ARRDC3: variants seen among roughly 807,000 people sequenced by gnomAD.
The protein encoded by ARRDC3 is arrestin domain containing 3.
A neutral mutation model predicts 47.2 loss-of-function variants in ARRDC3; 10 were observed. The observed-to-expected ratio is 0.21, with a 90% CI of 0.13 to 0.36. ARRDC3 has a LOEUF of 0.36. ARRDC3 is among the 10% of genes least tolerant of loss of function. The pLI, the probability that ARRDC3 is intolerant of heterozygous loss-of-function variation, is 1.00. For synonymous variants in ARRDC3, 156 were observed against 178.3 expected, an observed-to-expected ratio of 0.87 and a Z score of 1.00; for missense variants, 381 against 503.6, an observed-to-expected ratio of 0.76 and a Z score of 2.33.
At chr5:91,382,536 A>T in intron 1 of ARRDC3, among the ~76,000 whole-genome samples, 1 of 152,384 alleles carries the variant, frequency 6.6e-6, no homozygotes, top group African/African-American at 2.4e-5. Context: ...CAGAATTTAT[A>T]AGTAAGGTGC....
At position 91,371,479 on chromosome 5, in the gene ARRDC3, G is replaced by A. The variant is rs187329401; in HGVS notation, c.1189-23C>T. On this transcript the variant is annotated intron_variant, in intron 7 of 7. Coordinates refer to ENST00000265138, the MANE Select transcript of ARRDC3 (RefSeq NM_020801.4). ...AATCTAGAAAGAAATGAGAAAAAAA[G>A]TTTACAGAGTTATTTCATGAGGTCT... 2.6e-3 allele frequency: 4,143 copies of A among 1,589,290 alleles called. 64 individuals carry two copies. The Admixed American group carries it at 0.026, about 10-fold the overall frequency.
At chr5:91,378,445 T>G (rs565554524) in intron 2 of ARRDC3, among the ~76,000 whole-genome samples, 1 of 152,240 alleles carries the variant, frequency 6.6e-6, no homozygotes, top group African/African-American at 2.4e-5. Context: ...AAGGAAACCC[T>G]ATTCCTATTT....
chr5:91,375,692 CT>C, intron 3 of ARRDC3, 79 bp from the exon 4 acceptor site: 1 of 947,214 alleles, frequency 1.1e-6, no homozygotes. Context: ...AAATATAACC[CT>C]AAATTTATGG....
chr5:91,377,351 C>T (rs1000238525), intron 2 of ARRDC3, among the ~76,000 whole-genome samples: 73 of 152,082 alleles, frequency 4.8e-4, no homozygotes, highest in African/African-American at 1.6e-3. Flanking sequence ...TGGCTGTTCT[C>T]TAACTTTACG....
Position 91,370,885 on chromosome 5 carries a change from A to G in ARRDC3, c.*515T>C, listed in dbSNP as rs1799154987. 6.5e-6 allele frequency: 1 copy of G among 152,946 alleles called. No homozygotes were observed. The highest frequency in any genetic ancestry group is 2.1e-4 in the South Asian group (1 of 4,858). 9.5% of individuals were successfully genotyped at this position (152,946 alleles called of 1,614,324 possible). A position where few individuals can be genotyped will look rare whatever the true frequency, so the allele number is the denominator to read the frequency against. On this transcript the variant is annotated 3_prime_UTR_variant, in exon 8 of 8. Coordinates refer to ENST00000265138, the MANE Select transcript of ARRDC3 (RefSeq NM_020801.4). ...TGCATACGCAGGTAAAGTCCAGGCT[A>G]TATTAAATAAAAAAAAATGTCAGTG...
rs1381729856 is a variant in ARRDC3 at position 91,368,682 on chromosome 5, G to C, written c.*2718C>G. 1 of 152,318 alleles carries C rather than the reference G, an allele frequency of 6.6e-6. No homozygotes were observed. Among genetic ancestry groups the C allele is most frequent in the Non-Finnish European group, 1.5e-5 (1 of 68,030 alleles). 9.4% of individuals were successfully genotyped at this position (152,318 alleles called of 1,614,324 possible). ...AATTTAATGTGTTTGCATGTATGGT[G>C]AGTTACTAATATGATCAAGATTCAA... On this transcript the variant is annotated 3_prime_UTR_variant, in exon 8 of 8. Coordinates refer to ENST00000265138, the MANE Select transcript of ARRDC3 (RefSeq NM_020801.4).
Position 91,378,691 on chromosome 5 carries a change from T to G in ARRDC3, c.362+3A>C, listed in dbSNP as rs755811986. 100 of 1,545,020 alleles carry G rather than the reference T, an allele frequency of 6.5e-5. No individual in the cohort carries two copies. The highest frequency in any genetic ancestry group is 8.9e-7 in the Non-Finnish European group (1 of 1,127,840). Reference sequence around the variant, plus strand: ...AAAAATGCCTATTATTTATAATACTTACGTCTGTGGAAGCTCGAAGCTGAA... The same window carrying G: ...AAAAATGCCTATTATTTATAATACTGACGTCTGTGGAAGCTCGAAGCTGAA... On this transcript the variant is annotated splice_donor_region_variant and intron_variant, in intron 2 of 7. Coordinates refer to ENST00000265138, the MANE Select transcript of ARRDC3 (RefSeq NM_020801.4).
chr5:91,369,033 A>G lies in ARRDC3; in HGVS notation c.*2367T>C, dbSNP rs544185668. ...CACATCTTATGTCAGGAATTGACCA[A>G]TATTTTTAAAAAAGTAATGCCTCTA... On this transcript the variant is annotated 3_prime_UTR_variant, in exon 8 of 8. Coordinates refer to ENST00000265138, the MANE Select transcript of ARRDC3 (RefSeq NM_020801.4). The G allele has an allele frequency of 1.3e-5, 2 of 152,754 alleles. No individual in the cohort carries two copies. The highest frequency in any genetic ancestry group is 4.1e-4 in the South Asian group (2 of 4,832). The allele number at this position is 152,754 out of a possible 1,614,324, so 9.5% of individuals were successfully genotyped here. A position where few individuals can be genotyped will look rare whatever the true frequency, so the allele number is the denominator to read the frequency against.
Position 91,383,066 on chromosome 5 carries a change from C to G in ARRDC3, c.27G>C (p.Leu9Phe), listed in dbSNP as rs1056765129. ...CATTAAGACAGTCAAAGCTTATTGT[C>G]AAACTCTTCACCTTTCCCAGCACCA... The part of the protein sequence containing the change: MVLGKVKS[L>F]TISFDCLNDS... Residue 9 changes from leucine to phenylalanine, a missense_variant, in exon 1 of 8, where the codon TTG (leucine) becomes TTC (phenylalanine). Leu to Phe is a conservative substitution (Grantham distance 22, BLOSUM62 0). Transcript: ENST00000265138. The G allele has an allele frequency of 1.5e-5, 24 of 1,611,528 alleles. No individual in the cohort carries two copies. Among genetic ancestry groups the G allele is most frequent in the Non-Finnish European group, 1.9e-5 (22 of 1,178,606 alleles).
rs765678324 is a variant in ARRDC3, at chr5:91,371,358, C to T, written c.*42G>A. 6 of 1,539,210 alleles carry T rather than the reference C, an allele frequency of 3.9e-6. No individual in the cohort carries two copies. Among genetic ancestry groups the T allele is most frequent in the African/African-American group, 2.7e-5 (2 of 73,162 alleles). On this transcript the variant is annotated 3_prime_UTR_variant, in exon 8 of 8. Coordinates refer to ENST00000265138, the MANE Select transcript of ARRDC3 (RefSeq NM_020801.4). ...TCTCTGTCCTCAGCCGGAAGAGATA[C>T]AGTTCGGAACCCACATCAACTTGAT...
At chr5:91,382,761 G>C in intron 1 of ARRDC3, 52 bp downstream of exon 1, 1 of 1,539,246 alleles carries the variant, frequency 6.5e-7, no homozygotes, top group Non-Finnish European at 8.8e-7. Context: ...AACTGAAAAG[G>C]TACGTTTCCA....
At chr5:91,381,678 GTC>G (rs1799460718) in intron 1 of ARRDC3, among the ~76,000 whole-genome samples, 1 of 152,126 alleles carries the variant, frequency 6.6e-6, no homozygotes, top group African/African-American at 2.4e-5. Flanking sequence ...GGTAAAATAT[GTC>G]TCTAATTTTT....
At chr5:91,378,569 G>A in intron 2 of ARRDC3, 125 bp downstream of exon 2, 1 of 613,624 alleles carries the variant, frequency 1.6e-6, no homozygotes, top group Non-Finnish European at 2.8e-6. Context: ...TTTTCCTCTA[G>A]CAAGTTTCAG....
At position 91,369,838 on chromosome 5, in the gene ARRDC3, T is replaced by C. The variant is rs536371471; in HGVS notation, c.*1562A>G. 5.1e-4 allele frequency: 78 copies of C among 152,298 alleles called. No homozygotes were observed. Among genetic ancestry groups the C allele is most frequent in the African/African-American group, 1.8e-3 (73 of 41,572 alleles). The allele number at this position is 152,298 out of a possible 1,614,324, so 9.4% of individuals were successfully genotyped here. ...ATGCTATCATGAATGCTGGTATATT[T>C]GTTATGAGCCAACAGAAAATTACCT... On this transcript the variant is annotated 3_prime_UTR_variant, in exon 8 of 8. Transcript: ENST00000265138.
chr5:91,379,206 A>G (rs1444840866), intron 1 of ARRDC3, among the ~76,000 whole-genome samples: 1 of 149,890 alleles, frequency 6.7e-6, no homozygotes, highest in East Asian at 2.0e-4. Flanking sequence ...CTCTTAAAAT[A>G]TGTCAGTTTA....
chr5:91,377,363 G>A (rs1799328384), intron 2 of ARRDC3, among the ~76,000 whole-genome samples: 1 of 151,918 alleles, frequency 6.6e-6, no homozygotes, highest in Non-Finnish European at 1.5e-5. Context: ...AACTTTACGG[G>A]CTTCAAAAGA....
At chr5:91,373,357 T>G (rs1397733849) in intron 7 of ARRDC3, among the ~76,000 whole-genome samples, 1 of 152,178 alleles carries the variant, frequency 6.6e-6, no homozygotes, top group Non-Finnish European at 1.5e-5. Flanking sequence ...GTTTGCAAAA[T>G]GCTAGTTCTT....
chr5:91,369,298 A>C lies in ARRDC3; in HGVS notation c.*2102T>G, dbSNP rs1799113521. On this transcript the variant is annotated 3_prime_UTR_variant, in exon 8 of 8. Transcript: ENST00000265138. ...TTTTCTGACAATCCCCCTCAAACAA[A>C]AATAAAACCACCAAATGCCCTTTAT... is the stretch of plus-strand genomic sequence containing the variant. 6.6e-6 allele frequency: 1 copy of C among 152,486 alleles called. No individual in the cohort carries two copies. The allele number at this position is 152,486 out of a possible 1,614,324, so 9.4% of individuals were successfully genotyped here. A position where few individuals can be genotyped will look rare whatever the true frequency, so the allele number is the denominator to read the frequency against.
Position 91,383,021 on chromosome 5 carries a change from A to C in ARRDC3, c.72T>G (p.Tyr24Ter). Residue 24 changes from tyrosine to a stop codon, truncating the protein, a stop_gained, in exon 1 of 8, where the codon TAT (tyrosine) becomes TAG (stop). Coordinates refer to ENST00000265138, the MANE Select transcript of ARRDC3 (RefSeq NM_020801.4). LOFTEE classifies it high-confidence loss of function. ...TTCCTGAGACGGTATCCCCACTAGA[A>C]TACACAGGGACATTGCTGTCATTAA... is the stretch of plus-strand genomic sequence containing the variant. Reference protein sequence around the residue: ...DCLNDSNVPVYSSGDTVSGRV... With the variant: ...DCLNDSNVPV The C allele has an allele frequency of 6.2e-7, 1 of 1,614,070 alleles. No homozygotes were observed. Among genetic ancestry groups the C allele is most frequent in the Non-Finnish European group, 8.5e-7 (1 of 1,179,950 alleles).
Sources: allele counts gnomAD v4.1 joint callset (sites outside exome capture counted in the v4.1 genomes callset), GRCh38; gene constraint gnomAD v4.1.1; transcripts MANE v1.5; gene names NCBI Gene and HGNC (gene_info 2026-07-23, HGNC 2026-07-21).